Variants in WDR62 observed in about 807,000 individuals in gnomAD.
The protein encoded by WDR62 is WD repeat-containing protein 62.
In WDR62, 112 loss-of-function variants were observed where a neutral mutation model predicts 160.6. That is an observed-to-expected ratio of 0.70 (90% CI 0.60 to 0.82). The LOEUF (loss-of-function observed/expected upper bound fraction) is 0.82, where lower values mean the gene tolerates loss of function less well. WDR62 is among the 40% of genes least tolerant of loss of function. The probability of loss-of-function intolerance (pLI) is 0.00; values close to 1 mark genes in which losing one functional copy is unlikely to be tolerated. For missense variants in WDR62, 1,819 were observed against 1,983.8 expected, an observed-to-expected ratio of 0.92 and a Z score of 1.58; for synonymous variants, 792 against 815.1, an observed-to-expected ratio of 0.97 and a Z score of 0.48.
At chr19:36,071,399 T>A (rs1971290069) in intron 7 of WDR62, among the ~76,000 whole-genome samples, 157 bp from the exon 8 acceptor site, 1 of 152,184 alleles carries the variant, frequency 6.6e-6, no homozygotes, top group African/African-American at 2.4e-5. Flanking sequence ...TGCTATATCC[T>A]GATTTCACAA....
rs1334760394 is a variant in WDR62, at chr19:36,092,680, C to T, written c.2211-9C>T. 5.0e-6 allele frequency: 8 copies of T among 1,613,946 alleles called. No homozygotes were observed. Among genetic ancestry groups the T allele is most frequent in the Non-Finnish European group, 5.9e-6 (7 of 1,179,952 alleles). ...CTCTGCCTTGTGTGTCTCTCTTTGA[C>T]CTCCGCAGCTGCGTGTTCATCTGGC... On this transcript the variant is annotated splice_polypyrimidine_tract_variant and intron_variant, in intron 18 of 31. Coordinates refer to ENST00000401500, the MANE Select transcript of WDR62 (RefSeq NM_001083961.2).
At chr19:36,078,357 A>G (rs1971700560) in intron 9 of WDR62, among the ~76,000 whole-genome samples, 1 of 150,772 alleles carries the variant, frequency 6.6e-6, no homozygotes. Context: ...CGTGTTGGCC[A>G]GGTTGGTCTC....
At chr19:36,092,317 A>C (rs1359124026) in intron 18 of WDR62, among the ~76,000 whole-genome samples, 2 of 152,062 alleles carry the variant, frequency 1.3e-5, no homozygotes, top group Non-Finnish European at 2.9e-5. Context: ...TCAAAAAAAA[A>C]AAAAAAAGAA....
At chr19:36,072,048 C>T (rs1030236244) in intron 8 of WDR62, among the ~76,000 whole-genome samples, 1 of 152,188 alleles carries the variant, frequency 6.6e-6, no homozygotes, top group African/African-American at 2.4e-5. Flanking sequence ...TAAGTGGCTG[C>T]TAAGTGCCAG....
At chr19:36,082,386 G>A (rs1971949891) in intron 10 of WDR62, among the ~76,000 whole-genome samples, 3 of 152,162 alleles carry the variant, frequency 2.0e-5, no homozygotes, top group Admixed American at 2.0e-4. Flanking sequence ...AGGGGAGAGG[G>A]TCTATACTTA....
intron 12 of WDR62, among the ~76,000 whole-genome samples, chr19:36,085,548 T>G (rs2145738375): frequency 6.6e-6 from 1 of 151,724 alleles, no homozygotes; most frequent in South Asian, 2.1e-4. Flanking sequence ...CAAGCGATTC[T>G]CCTGCCTCAG....
intron 28 of WDR62, 22 bp from the exon 29 acceptor site, chr19:36,103,134 C>T: frequency 6.2e-7 from 1 of 1,614,064 alleles, no homozygotes; most frequent in South Asian, 1.1e-5. Flanking sequence ...GCCTTGTCCT[C>T]ACCTCAGAGC....
chr19:36,086,404 G>C (rs1268598351), intron 12 of WDR62, among the ~76,000 whole-genome samples: 2 of 152,158 alleles, frequency 1.3e-5, no homozygotes, highest in Non-Finnish European at 1.5e-5. Flanking sequence ...GGCTCTGCTG[G>C]GGCGTCTGCT....
intron 7 of WDR62, among the ~76,000 whole-genome samples, chr19:36,069,981 G>C (rs1971200485): frequency 6.6e-6 from 1 of 151,924 alleles, no homozygotes; most frequent in African/African-American, 2.4e-5. Flanking sequence ...ATCAGAGGGA[G>C]ACCGTGGAAA....
intron 7 of WDR62, among the ~76,000 whole-genome samples, chr19:36,068,906 G>A (rs553887042): frequency 2.6e-5 from 4 of 152,102 alleles, no homozygotes; most frequent in South Asian, 2.1e-4. Flanking sequence ...CGGGCAGAGG[G>A]GCTCCTCACT....
intron 13 of WDR62, among the ~76,000 whole-genome samples, chr19:36,087,542 C>T (rs1343114778): frequency 2.7e-5 from 4 of 150,426 alleles, no homozygotes; most frequent in African/African-American, 9.8e-5. Context: ...ATAGGCCGGG[C>T]GTGGTGGCTC....
At chr19:36,065,855 C>T (rs1970908609) in intron 3 of WDR62, 103 bp from the exon 4 acceptor site, 1 of 1,159,872 alleles carries the variant, frequency 8.6e-7, no homozygotes, top group African/African-American at 1.5e-5. Flanking sequence ...TCTTCCGAGG[C>T]TTGGGAGGCA....
intron 9 of WDR62, among the ~76,000 whole-genome samples, chr19:36,080,071 A>G (rs1971801878): frequency 6.6e-6 from 1 of 151,596 alleles, no homozygotes; most frequent in African/African-American, 2.4e-5. Context: ...TTTTCTCCTC[A>G]GTTATATCTA....
chr19:36,103,237 C>T (rs763265173), intron 29 of WDR62, 30 bp downstream of exon 29: 86 of 1,612,668 alleles, frequency 5.3e-5, no homozygotes, highest in Non-Finnish European at 7.2e-5. Context: ...ACGGACAGTC[C>T]TGGGTTTCTC....
chr19:36,096,986 G>A, intron 20 of WDR62, 41 bp from the exon 21 acceptor site: 1 of 1,584,582 alleles, frequency 6.3e-7, no homozygotes. Flanking sequence ...CCTGTTTGTT[G>A]GGTTGTTTGT....
intron 26 of WDR62, chr19:36,102,406 A>G: frequency 1.7e-6 from 1 of 599,390 alleles, no homozygotes; most frequent in Non-Finnish European, 3.0e-6. Context: ...GATTATAGGC[A>G]TCCACAACCA....
At chr19:36,075,331 G>A (rs4461192) in intron 9 of WDR62, 43,945 of 152,114 alleles carry the variant, frequency 0.29, 6,623 homozygotes, top group Non-Finnish European at 0.33. Context: ...ACCATGCCCG[G>A]CCTATTCGCT....
chr19:36,062,649 C>CAAAAAAAAAAAAAAAAAAAAAAAAAAAA (rs1167386837), intron 3 of WDR62: 1 of 39,478 alleles, frequency 2.5e-5, no homozygotes, highest in African/African-American at 1.2e-4. Context: ...GAGTCCGTCT[C>CAAAAAAAAAAAAAAAAAAAAAAAAAAAA]AAAAAAAAAA....
chr19:36,078,209 A>G (rs1387919731), intron 9 of WDR62, among the ~76,000 whole-genome samples: 1 of 149,122 alleles, frequency 6.7e-6, no homozygotes, highest in Admixed American at 6.7e-5. Context: ...GTGCAGTGGT[A>G]TGATCTCCGC....
Sources: gnomAD v4.1 joint callset for allele counts (sites outside exome capture counted in the v4.1 genomes callset) on GRCh38, gnomAD v4.1.1 for gene constraint, MANE v1.5 for transcripts, NCBI Gene and HGNC (gene_info 2026-07-23, HGNC 2026-07-21) for gene names.